Variants in GALNT8 observed in about 807,000 individuals in gnomAD.
GALNT8 encodes probable polypeptide N-acetylgalactosaminyltransferase 8.
GALNT8 carries 66 observed loss-of-function variants against 62.7 expected under a neutral mutation model. The observed-to-expected ratio is 1.05, with a 90% CI of 0.86 to 1.29. The LOEUF is 1.29. Ranked by LOEUF, GALNT8 falls within the 50% of genes most tolerant of loss-of-function variation. The probability of loss-of-function intolerance (pLI) is 0.00; values close to 1 mark genes in which losing one functional copy is unlikely to be tolerated. For synonymous variants in GALNT8, 288 were observed against 294.3 expected (o/e 0.98, Z 0.22); for missense variants, 771 against 791.8 (o/e 0.97, Z 0.32).
chr12:4,743,354 C>T lies in GALNT8; in HGVS notation c.677-1163C>T, dbSNP rs367952984. On this transcript the variant is annotated intron_variant, in intron 3 of 10. Coordinates refer to ENST00000252318, the MANE Select transcript of GALNT8 (RefSeq NM_017417.2). ...CCCAGAGGAAGCAAACAGCCTTAGA[C>T]GTACTGGCCCTGCTTAGCACCTTCA... Among the ~76,000 whole-genome samples, 12 of 152,372 alleles carry T rather than the reference C, an allele frequency of 7.9e-5. No homozygotes were observed. In the East Asian group the frequency reaches 1.7e-3, roughly 22 times the overall value.
chr12:4,744,751 G>A (rs1946289354), intron 4 of GALNT8, 51 bp downstream of exon 4: 2 of 1,221,034 alleles, frequency 1.6e-6, no homozygotes, highest in African/African-American at 1.5e-5. Context: ...AGGAGATATT[G>A]TGCATGTACT....
rs531401333 is a variant in GALNT8, at chr12:4,758,207, A to T, written c.1174-2751A>T. 3.9e-5 allele frequency among the ~76,000 whole-genome samples: 6 copies of T among 152,196 alleles called. No individual in the cohort carries two copies. The East Asian group carries it at 1.2e-3, about 29-fold the overall frequency. Reference sequence around the variant, plus strand: ...GTTTGTGTGAGACTATTTGCCTTTTAAAACATCTAAGTACTTATTAGGATT... The same window carrying T: ...GTTTGTGTGAGACTATTTGCCTTTTTAAACATCTAAGTACTTATTAGGATT... On this transcript the variant is annotated intron_variant, in intron 6 of 10. Transcript: ENST00000252318.
intron 5 of GALNT8, 136 bp downstream of exon 5, chr12:4,745,762 G>A (rs1344793385): frequency 4.4e-6 from 3 of 676,736 alleles, no homozygotes; most frequent in Non-Finnish European, 7.8e-6. Context: ...AAGGACAAGG[G>A]ATAGAGGGAA....
rs1250923093 is a variant in GALNT8 at position 4,720,664 on chromosome 12, C to A, written c.-14C>A. 9 of 1,562,330 alleles carry A rather than the reference C, an allele frequency of 5.8e-6. No individual in the cohort carries two copies. Among genetic ancestry groups the A allele is most frequent in the South Asian group, 1.1e-5 (1 of 90,086 alleles). On this transcript the variant is annotated 5_prime_UTR_variant, in exon 1 of 11. Coordinates refer to ENST00000252318, the MANE Select transcript of GALNT8 (RefSeq NM_017417.2). ...ACTCAGTCCCACAGGGAGTGGACGA[C>A]CCCCAGGAAGAAGATGATGTTTTGG...
intron 2 of GALNT8, among the ~76,000 whole-genome samples, chr12:4,735,569 C>A (rs1409576259): frequency 6.6e-6 from 1 of 152,188 alleles, no homozygotes; most frequent in Non-Finnish European, 1.5e-5. Context: ...TTGAGAGAGA[C>A]AATTGTGACT....
intron 7 of GALNT8, among the ~76,000 whole-genome samples, chr12:4,761,921 G>C (rs148832226): frequency 1.1e-4 from 16 of 152,286 alleles, no homozygotes; most frequent in African/African-American, 3.8e-4. Flanking sequence ...AAGACAGGGA[G>C]TCAGGATGGT....
intron 1 of GALNT8, among the ~76,000 whole-genome samples, chr12:4,723,505 C>T (rs373874692): frequency 1.6e-4 from 25 of 152,290 alleles, no homozygotes; most frequent in Admixed American, 2.6e-4. Flanking sequence ...CTCCTCAAGC[C>T]GTAAAATGGC....
At chr12:4,728,992 G>A (rs970436548) in intron 2 of GALNT8, among the ~76,000 whole-genome samples, 1 of 152,064 alleles carries the variant, frequency 6.6e-6, no homozygotes, top group Non-Finnish European at 1.5e-5. Context: ...TCCAATCCAC[G>A]GCTGTGAGAA....
intron 3 of GALNT8, among the ~76,000 whole-genome samples, chr12:4,739,974 C>T (rs1946264505): frequency 6.6e-6 from 1 of 152,062 alleles, no homozygotes; most frequent in African/African-American, 2.4e-5. Context: ...GCCACCTGTG[C>T]CCCTCTTATG....
chr12:4,735,514 C>T, intron 2 of GALNT8, among the ~76,000 whole-genome samples: 1 of 152,200 alleles, frequency 6.6e-6, no homozygotes, highest in East Asian at 1.9e-4. Context: ...ACACCTTCTC[C>T]TTCCTCCACT....
chr12:4,764,391 G>A (rs1282275347), intron 9 of GALNT8, among the ~76,000 whole-genome samples: 1 of 152,078 alleles, frequency 6.6e-6, no homozygotes, highest in Non-Finnish European at 1.5e-5. Context: ...CTACTGGAAA[G>A]CCTGGGAAAG....
chr12:4,772,705 T>C lies in GALNT8; in HGVS notation c.*108T>C, dbSNP rs77042748. Reference sequence around the variant, plus strand: ...ATGAGAAAGAAAGCATGTGTATGTCTGTTTATGGCGACTTCAGGTGGGGCC... The same window carrying C: ...ATGAGAAAGAAAGCATGTGTATGTCCGTTTATGGCGACTTCAGGTGGGGCC... On this transcript the variant is annotated 3_prime_UTR_variant, in exon 11 of 11. Transcript: ENST00000252318. 1.1e-3 allele frequency: 988 copies of C among 872,264 alleles called. 5 individuals are homozygous for C. In the African/African-American group the frequency reaches 0.013, roughly 12 times the overall value. The allele number at this position is 872,264 out of a possible 1,614,324, so 54.0% of individuals were successfully genotyped here. A position where few individuals can be genotyped will look rare whatever the true frequency, so the allele number is the denominator to read the frequency against.
chr12:4,745,672 C>A, intron 5 of GALNT8, 46 bp downstream of exon 5: 1 of 1,364,510 alleles, frequency 7.3e-7, no homozygotes, highest in Non-Finnish European at 1.0e-6. Context: ...TGTGGGAAGG[C>A]AGGAATGAAC....
intron 2 of GALNT8, among the ~76,000 whole-genome samples, chr12:4,734,329 G>A (rs1235110174): frequency 6.6e-6 from 1 of 152,154 alleles, no homozygotes; most frequent in East Asian, 1.9e-4. Context: ...TACAGCATTG[G>A]TATCACTTGG....
chr12:4,742,187 C>A (rs1305081548), intron 3 of GALNT8, among the ~76,000 whole-genome samples: 1 of 152,206 alleles, frequency 6.6e-6, no homozygotes, highest in Non-Finnish European at 1.5e-5. Flanking sequence ...AGCTAGTGTT[C>A]TGCTCCTCAC....
At chr12:4,736,011 G>A (rs1946242941) in intron 2 of GALNT8, among the ~76,000 whole-genome samples, 1 of 152,162 alleles carries the variant, frequency 6.6e-6, no homozygotes, top group Admixed American at 6.5e-5. Flanking sequence ...AATACTAGTA[G>A]CAACAAGCAA....
chr12:4,744,261 C>T (rs1010741218), intron 3 of GALNT8, among the ~76,000 whole-genome samples: 9 of 152,112 alleles, frequency 5.9e-5, no homozygotes, highest in South Asian at 2.1e-4. Flanking sequence ...GTGCCTGACA[C>T]GTAGTAAGCA....
intron 2 of GALNT8, among the ~76,000 whole-genome samples, chr12:4,728,772 T>C (rs1207871527): frequency 1.3e-5 from 2 of 152,206 alleles, no homozygotes; most frequent in African/African-American, 2.4e-5. Flanking sequence ...TTGTAGTACA[T>C]TTTGAAATTG....
intron 8 of GALNT8, 142 bp downstream of exon 8, chr12:4,763,532 C>G: frequency 1.4e-6 from 1 of 690,820 alleles, no homozygotes; most frequent in Admixed American, 2.4e-5. Flanking sequence ...TCAACCCTCT[C>G]AGTTTCCTTT....
Sources: allele counts gnomAD v4.1 joint callset (sites outside exome capture counted in the v4.1 genomes callset), GRCh38; gene constraint gnomAD v4.1.1; transcripts MANE v1.5; gene names NCBI Gene and HGNC (gene_info 2026-07-23, HGNC 2026-07-21).